INPP5D: variants seen among roughly 807,000 people sequenced by gnomAD.
INPP5D encodes the protein inositol polyphosphate-5-phosphatase D, also known as phosphatidylinositol 3,4,5-trisphosphate 5-phosphatase 1.
A neutral mutation model predicts 122.9 loss-of-function variants in INPP5D; 33 were observed. The ratio of observed to expected loss-of-function variants is 0.27; its 90% CI spans 0.20 to 0.36. The LOEUF is 0.36. INPP5D is among the 10% of genes least tolerant of loss of function. INPP5D has a pLI of 1.00. For synonymous variants in INPP5D, 584 were observed against 576.2 expected (o/e 1.01, Z -0.19); for missense variants, 1,053 against 1,412.7 (o/e 0.75, Z 4.08).
At chr2:233,085,851 T>G (rs1174253967) in intron 2 of INPP5D, among the ~76,000 whole-genome samples, 1 of 152,188 alleles carries the variant, frequency 6.6e-6, no homozygotes, top group Admixed American at 6.5e-5. Context: ...TGACTGTCTT[T>G]ATTTTCTCCC....
intron 5 of INPP5D, among the ~76,000 whole-genome samples, chr2:233,137,950 A>G: frequency 1.9e-5 from 2 of 103,272 alleles, no homozygotes; most frequent in African/African-American, 6.0e-5. Flanking sequence ...ATTATGATAT[A>G]ATGATATTAT....
At position 233,122,739 on chromosome 2, in the gene INPP5D, C is replaced by T. The variant is rs543705306; in HGVS notation, c.349+482C>T. ...GGAGGATCCCTTGAGTCCAGGAGTT[C>T]AAGGTTGCAGTGAGCCATGATTGCA... On this transcript the variant is annotated intron_variant, in intron 3 of 26. Transcript: ENST00000445964. Among the ~76,000 whole-genome samples the T allele has an allele frequency of 1.8e-4, 28 of 152,116 alleles. No individual in the cohort carries two copies. The South Asian group carries it at 5.8e-3, about 32-fold the overall frequency.
chr2:233,070,839 T>C (rs1691361004), intron 1 of INPP5D, among the ~76,000 whole-genome samples: 2 of 152,218 alleles, frequency 1.3e-5, no homozygotes, highest in African/African-American at 4.8e-5. Context: ...GCAGATTGGA[T>C]GGAAAATATG....
Position 233,170,799 on chromosome 2 carries a change from G to T in INPP5D, c.1900+195G>T, listed in dbSNP as rs1694474252. Reference sequence around the variant, plus strand: ...CGGGTGCCTGTAGTCCCAGCTACTTGGGAGGCTGAGGCAGGAGGATGGTGT... The same window carrying T: ...CGGGTGCCTGTAGTCCCAGCTACTTTGGAGGCTGAGGCAGGAGGATGGTGT... On this transcript the variant is annotated intron_variant, in intron 16 of 26. Transcript: ENST00000445964. This position sits in a 1 kb window ranked among gnomAD's most constrained non-coding sequence, Gnocchi z 4.5. Among the ~76,000 whole-genome samples the T allele has an allele frequency of 6.6e-6, 1 of 151,548 alleles. No homozygotes were observed. The highest frequency in any genetic ancestry group is 2.1e-4 in the South Asian group (1 of 4,804).
Position 233,170,436 on chromosome 2 carries a change from C to T in INPP5D, c.1792-60C>T. 1 of 1,607,684 alleles carries T rather than the reference C, an allele frequency of 6.2e-7. No individual in the cohort carries two copies. Among genetic ancestry groups the T allele is most frequent in the Non-Finnish European group, 8.5e-7 (1 of 1,176,274 alleles). Reference sequence around the variant, plus strand: ...CAGCTGCCCGCCCCCAGCCCCGAAGCTTGTCAGGCCTGGATCAGCAGGGCT... The same window carrying T: ...CAGCTGCCCGCCCCCAGCCCCGAAGTTTGTCAGGCCTGGATCAGCAGGGCT... On this transcript the variant is annotated intron_variant, in intron 15 of 26. Transcript: ENST00000445964. The surrounding 1 kb of genome is among the most constrained non-coding windows in gnomAD (Gnocchi z 4.5).
At chr2:233,156,934 A>C (rs1694069808) in intron 9 of INPP5D, among the ~76,000 whole-genome samples, 1 of 152,236 alleles carries the variant, frequency 6.6e-6, no homozygotes, top group Admixed American at 6.5e-5. Flanking sequence ...AGCCCTTCTA[A>C]GGACAGCAGT....
chr2:233,107,846 G>A (rs1413175098), intron 2 of INPP5D, among the ~76,000 whole-genome samples: 1 of 152,074 alleles, frequency 6.6e-6, no homozygotes, highest in Admixed American at 6.5e-5. Flanking sequence ...CTCAGTCTTC[G>A]CTTTCCTTCC....
chr2:233,098,476 C>T (rs113327747), intron 2 of INPP5D, among the ~76,000 whole-genome samples: 1,721 of 152,290 alleles, frequency 0.011, 35 homozygotes, highest in African/African-American at 0.039. Flanking sequence ...ACCTGTATAT[C>T]TCTAGATAGT....
intron 17 of INPP5D, among the ~76,000 whole-genome samples, chr2:233,173,507 A>T (rs1559334013): frequency 6.6e-6 from 1 of 152,190 alleles, no homozygotes; most frequent in Non-Finnish European, 1.5e-5. Flanking sequence ...TTGTAATAAA[A>T]TGTAGCTTAA....
At chr2:233,062,918 T>C (rs80235131) in intron 1 of INPP5D, among the ~76,000 whole-genome samples, 3,305 of 151,874 alleles carry the variant, frequency 0.022, 36 homozygotes, top group Middle Eastern at 0.071. Context: ...TAACAAACTG[T>C]CATCTTCCAA....
Position 233,105,437 on chromosome 2 carries a change from C to A in INPP5D, c.199-16670C>A, listed in dbSNP as rs953129138. On this transcript the variant is annotated intron_variant, in intron 2 of 26. Coordinates refer to ENST00000445964, the MANE Select transcript of INPP5D (RefSeq NM_001017915.3). This position sits in a 1 kb window ranked among gnomAD's most constrained non-coding sequence, Gnocchi z 4.0. ...TTCTTTGGTGAATCCTTCCCTGATC[C>A]ACCAGGCTGAGTCTCCCGGAGCACC... Among the ~76,000 whole-genome samples, 1 of 152,176 alleles carries A rather than the reference C, an allele frequency of 6.6e-6. No individual in the cohort carries two copies. Among genetic ancestry groups the A allele is most frequent in the Admixed American group, 6.5e-5 (1 of 15,278 alleles).
chr2:233,193,358 T>A (rs1474988279), intron 22 of INPP5D, among the ~76,000 whole-genome samples: 5 of 152,234 alleles, frequency 3.3e-5, no homozygotes, highest in Admixed American at 1.3e-4. Context: ...CTGTCTGTAT[T>A]ATCTGTTCAT....
In INPP5D at chr2:233,066,241, G is replaced by A. The variant is rs1385562382; in HGVS notation, c.134+5629G>A. 2.6e-5 allele frequency among the ~76,000 whole-genome samples: 4 copies of A among 152,074 alleles called. No homozygotes were observed. The South Asian group carries it at 6.2e-4, about 24-fold the overall frequency. ...AGTGCTGGCATTACAAGTGTGAGCC[G>A]CTGCACGCAGCCTCACATCAGCACC... On this transcript the variant is annotated intron_variant, in intron 1 of 26. Transcript: ENST00000445964.
At chr2:233,092,926 CT>C (rs1297273659) in intron 2 of INPP5D, among the ~76,000 whole-genome samples, 3 of 152,278 alleles carry the variant, frequency 2.0e-5, no homozygotes, top group Non-Finnish European at 4.4e-5. Flanking sequence ...CACGTTGCCC[CT>C]GACAGGGCTT....
At chr2:233,165,788 C>T (rs1694318556) in intron 13 of INPP5D, among the ~76,000 whole-genome samples, 1 of 151,814 alleles carries the variant, frequency 6.6e-6, no homozygotes, top group Non-Finnish European at 1.5e-5. Flanking sequence ...TTATGAGAGT[C>T]TAGGTATGTG....
chr2:233,148,521 G>A (rs1693831870), intron 9 of INPP5D, among the ~76,000 whole-genome samples: 1 of 152,150 alleles, frequency 6.6e-6, no homozygotes, highest in Non-Finnish European at 1.5e-5. Flanking sequence ...TGGGAGATGG[G>A]CACTGGGGCC....
chr2:233,167,225 A>AG (rs1694366466), intron 13 of INPP5D, among the ~76,000 whole-genome samples: 1 of 151,430 alleles, frequency 6.6e-6, no homozygotes, highest in East Asian at 1.9e-4. Context: ...AAAAAAAAAA[A>AG]AATGGCATAG....
At chr2:233,178,682 CCA>C (rs1308183872) in intron 18 of INPP5D, among the ~76,000 whole-genome samples, 1 of 152,054 alleles carries the variant, frequency 6.6e-6, no homozygotes, top group Non-Finnish European at 1.5e-5. Context: ...TGGGGTTACA[CCA>C]TGTTGGTCAG....
Position 233,183,486 on chromosome 2 carries a change from C to A in INPP5D, c.2162-922C>A, listed in dbSNP as rs541924196. On this transcript the variant is annotated intron_variant, in intron 19 of 26. Coordinates refer to ENST00000445964, the MANE Select transcript of INPP5D (RefSeq NM_001017915.3). The surrounding 1 kb of genome is among the most constrained non-coding windows in gnomAD (Gnocchi z 4.6). ...CTCCTTCCTAAGTCTGGCCACTGTGCCTTTCTAGAATCTTCCTAGTCCTTA... is the reference window on the plus strand; with the variant it reads ...CTCCTTCCTAAGTCTGGCCACTGTGACTTTCTAGAATCTTCCTAGTCCTTA... 6.6e-6 allele frequency among the ~76,000 whole-genome samples: 1 copy of A among 152,340 alleles called. No individual in the cohort carries two copies. Among genetic ancestry groups the A allele is most frequent in the East Asian group, 1.9e-4 (1 of 5,192 alleles).
Sources: gnomAD v4.1 joint callset for allele counts (sites outside exome capture counted in the v4.1 genomes callset) on GRCh38, gnomAD v4.1.1 for gene constraint, Gnocchi (gnomAD v3.1) non-coding constraint, MANE v1.5 for transcripts, NCBI Gene and HGNC (gene_info 2026-07-23, HGNC 2026-07-21) for gene names.